The following GALNT13 variants were observed in gnomAD, a reference collection of about 807,000 sequenced individuals.
The protein encoded by GALNT13 is polypeptide N-acetylgalactosaminyltransferase 13.
Under a neutral mutation model 64.2 loss-of-function variants are expected in GALNT13, and 28 were observed. The ratio of observed to expected loss-of-function variants is 0.44; its 90% CI spans 0.32 to 0.60. The LOEUF (loss-of-function observed/expected upper bound fraction) is 0.60. GALNT13 is among the 20% of genes least tolerant of loss of function. GALNT13 has a pLI of 0.05. For missense variants in GALNT13, 577 were observed against 669.8 expected (o/e 0.86, Z 1.53); for synonymous variants, 214 against 224.6 (o/e 0.95, Z 0.42).
the GALNT13 span, among the ~76,000 whole-genome samples, chr2:153,079,814 G>A: frequency 6.6e-6 from 1 of 152,168 alleles, no homozygotes; most frequent in Non-Finnish European, 1.5e-5. Context: ...TTGCGTTATT[G>A]GCTCTGAATA....
rs200553719 is a variant in GALNT13, at chr2:154,045,932, C to CT, written c.143-94397dup. On this transcript the variant is annotated intron_variant, in intron 3 of 12. Coordinates refer to ENST00000392825, the MANE Select transcript of GALNT13 (RefSeq NM_052917.4). The stretch of plus-strand genomic sequence containing the variant: ...CTTTTTCTTTCTCTGTCTAGTAAGT[C>CT]TTTTTTTTCCTGTTCAATACAGTTT... 7.3e-3 allele frequency among the ~76,000 whole-genome samples: 1,089 copies of CT among 149,904 alleles called. 7 individuals carry two copies. The highest frequency in any genetic ancestry group is 0.014 in the Middle Eastern group (4 of 292).
chr2:153,833,742 T>A, the GALNT13 span, among the ~76,000 whole-genome samples: 1 of 152,124 alleles, frequency 6.6e-6, no homozygotes, highest in African/African-American at 2.4e-5. Flanking sequence ...AGGCCAGATT[T>A]GGGTCATAGA....
Position 154,329,641 on chromosome 2 carries a change from A to G in GALNT13, c.1156+28052A>G, listed in dbSNP as rs182030459. ...TTTGTCCCCTCAAACTTCATCTTGA[A>G]ATTTGATCCCAGTGTTGGAGGTAGA... is the stretch of plus-strand genomic sequence containing the variant. On this transcript the variant is annotated intron_variant, in intron 9 of 12. Coordinates refer to ENST00000392825, the MANE Select transcript of GALNT13 (RefSeq NM_052917.4). Among the ~76,000 whole-genome samples, 5 of 152,076 alleles carry G rather than the reference A, an allele frequency of 3.3e-5. No individual in the cohort carries two copies. In the East Asian group the frequency reaches 9.8e-4, roughly 30 times the overall value.
At chr2:154,398,856 G>T (rs574055363) in intron 10 of GALNT13, among the ~76,000 whole-genome samples, 1 of 152,276 alleles carries the variant, frequency 6.6e-6, no homozygotes, top group East Asian at 1.9e-4. Flanking sequence ...GATTTCCTAT[G>T]CCAACAGTTA....
chr2:153,408,903 G>A, the GALNT13 span, among the ~76,000 whole-genome samples: 3 of 152,006 alleles, frequency 2.0e-5, no homozygotes, highest in Admixed American at 6.6e-5. Flanking sequence ...CCTTAATCTG[G>A]GTGGACACCA....
chr2:154,097,435 A>G (rs1702131171), intron 3 of GALNT13, among the ~76,000 whole-genome samples: 2 of 152,130 alleles, frequency 1.3e-5, no homozygotes, highest in African/African-American at 2.4e-5. Context: ...AATATGTTAA[A>G]ATAAATTATA....
intron 4 of GALNT13, among the ~76,000 whole-genome samples, chr2:154,175,259 C>CAT (rs1685582512): frequency 6.6e-6 from 1 of 152,168 alleles, no homozygotes; most frequent in African/African-American, 2.4e-5. Context: ...CCAGTAAACA[C>CAT]ATCAGTACAT....
intron 9 of GALNT13, among the ~76,000 whole-genome samples, chr2:154,322,852 G>A (rs1291499441): frequency 6.6e-6 from 1 of 152,052 alleles, no homozygotes; most frequent in African/African-American, 2.4e-5. Flanking sequence ...GCTGGCAAAT[G>A]GGCTGTTCTG....
chr2:153,951,160 G>T (rs968630753), intron 3 of GALNT13, among the ~76,000 whole-genome samples: 1 of 151,924 alleles, frequency 6.6e-6, no homozygotes, highest in African/African-American at 2.4e-5. Flanking sequence ...CTGACTGTAG[G>T]GTATTATTAC....
chr2:153,838,215 T>A, the GALNT13 span, among the ~76,000 whole-genome samples: 1 of 152,056 alleles, frequency 6.6e-6, no homozygotes, highest in African/African-American at 2.4e-5. Flanking sequence ...TTCATTTTGT[T>A]GATTTTTCCC....
intron 9 of GALNT13, among the ~76,000 whole-genome samples, chr2:154,332,430 A>C (rs529573004): frequency 6.6e-6 from 1 of 152,218 alleles, no homozygotes; most frequent in Non-Finnish European, 1.5e-5. Context: ...TCCCACAAAA[A>C]AAAATTGAGT....
At chr2:153,073,635 T>G in the GALNT13 span, among the ~76,000 whole-genome samples, 1 of 152,254 alleles carries the variant, frequency 6.6e-6, no homozygotes, top group South Asian at 2.1e-4. Flanking sequence ...TCCCTATATA[T>G]TTGTAAAAGA....
chr2:154,001,152 C>T (rs1695877359), intron 3 of GALNT13, among the ~76,000 whole-genome samples: 1 of 151,820 alleles, frequency 6.6e-6, no homozygotes, highest in African/African-American at 2.4e-5. Flanking sequence ...CTTTTTGTGT[C>T]ACTTCAGTTT....
the GALNT13 span, among the ~76,000 whole-genome samples, chr2:153,400,766 G>C: frequency 6.6e-6 from 1 of 152,026 alleles, no homozygotes; most frequent in Non-Finnish European, 1.5e-5. Context: ...GGGATCGGTG[G>C]TGATATCCCC....
intron 3 of GALNT13, among the ~76,000 whole-genome samples, chr2:154,131,779 A>T (rs1682633332): frequency 6.6e-6 from 1 of 152,202 alleles, no homozygotes; most frequent in Non-Finnish European, 1.5e-5. Flanking sequence ...GAAGTCCCAC[A>T]ATAGGCTGTC....
chr2:153,526,919 A>C, the GALNT13 span, among the ~76,000 whole-genome samples: 31 of 152,188 alleles, frequency 2.0e-4, no homozygotes, highest in African/African-American at 7.5e-4. Context: ...GAAGCATCAG[A>C]GTCTTTTATT....
the GALNT13 span, among the ~76,000 whole-genome samples, chr2:153,792,166 T>C: frequency 1.3e-5 from 2 of 152,204 alleles, no homozygotes; most frequent in Non-Finnish European, 2.9e-5. Context: ...TATTTTTCTA[T>C]ATGTATGTAA....
chr2:153,259,108 G>A, the GALNT13 span, among the ~76,000 whole-genome samples: 3 of 152,152 alleles, frequency 2.0e-5, no homozygotes, highest in Non-Finnish European at 4.4e-5. Context: ...TGAGGCTCCA[G>A]TGTTGGGAGT....
intron 9 of GALNT13, among the ~76,000 whole-genome samples, chr2:154,392,173 T>TG (rs1698828019): frequency 6.6e-6 from 1 of 152,210 alleles, no homozygotes; most frequent in African/African-American, 2.4e-5. Context: ...TGCTGCTTGC[T>TG]GCACTGGAAG....
Sources: allele counts gnomAD v4.1 joint callset (sites outside exome capture counted in the v4.1 genomes callset), GRCh38; gene constraint gnomAD v4.1.1; transcripts MANE v1.5; gene names NCBI Gene and HGNC (gene_info 2026-07-23, HGNC 2026-07-21).